Variants in SAMMSON observed in about 807,000 individuals in gnomAD.
The protein encoded by SAMMSON is long intergenic non-protein coding RNA 1212.
intron 4 of SAMMSON, among the ~76,000 whole-genome samples, chr3:70,213,223 T>G (rs1390863881): frequency 6.6e-6 from 1 of 152,130 alleles, no homozygotes; most frequent in Non-Finnish European, 1.5e-5. Flanking sequence ...TCCTTTCACC[T>G]CAGCCTCCTG....
At chr3:70,421,644 A>T (rs555340435) in intron 2 of SAMMSON, among the ~76,000 whole-genome samples, 1 of 152,284 alleles carries the variant, frequency 6.6e-6, no homozygotes, top group Non-Finnish European at 1.5e-5. Context: ...TAGTGCTCAG[A>T]GACAGTATGA....
At chr3:70,150,624 G>GA (rs528308956) in intron 4 of SAMMSON, among the ~76,000 whole-genome samples, 3 of 151,540 alleles carry the variant, frequency 2.0e-5, no homozygotes, top group African/African-American at 4.8e-5. Context: ...CATTATTCTA[G>GA]AAAAAAAATA....
chr3:70,184,270 CA>C (rs1230524422), intron 4 of SAMMSON: 3 of 152,114 alleles, frequency 2.0e-5, no homozygotes, highest in Non-Finnish European at 4.4e-5. Flanking sequence ...CTGAATTTAA[CA>C]TATATAGACA....
At chr3:70,208,863 A>G (rs1378642978) in intron 4 of SAMMSON, among the ~76,000 whole-genome samples, 2 of 152,012 alleles carry the variant, frequency 1.3e-5, no homozygotes, top group Admixed American at 1.3e-4. Flanking sequence ...TCTTCCTTTT[A>G]TGTGCTGGCT....
intron 2 of SAMMSON, among the ~76,000 whole-genome samples, chr3:70,413,113 A>C (rs1421036591): frequency 6.6e-6 from 1 of 152,122 alleles, no homozygotes; most frequent in Non-Finnish European, 1.5e-5. Flanking sequence ...AGAAATCACA[A>C]TACCAAACAA....
intron 4 of SAMMSON, among the ~76,000 whole-genome samples, chr3:70,131,569 GT>G (rs1283045618): frequency 6.6e-6 from 1 of 152,118 alleles, no homozygotes; most frequent in Non-Finnish European, 1.5e-5. Context: ...ACAGGGTTTA[GT>G]TAATGCAAGG....
chr3:70,154,558 G>A (rs909874807), intron 4 of SAMMSON, among the ~76,000 whole-genome samples: 1 of 152,070 alleles, frequency 6.6e-6, no homozygotes, highest in African/African-American at 2.4e-5. Context: ...CTCCTCCAGT[G>A]ATTCCAGTTG....
chr3:70,299,821 T>A (rs1483252834), intron 7 of SAMMSON, among the ~76,000 whole-genome samples: 2 of 152,126 alleles, frequency 1.3e-5, no homozygotes, highest in Non-Finnish European at 2.9e-5. Context: ...CAACCTCACA[T>A]ATATTTTATG....
At chr3:70,321,006 C>T (rs1454704698) in intron 7 of SAMMSON, among the ~76,000 whole-genome samples, 2 of 151,880 alleles carry the variant, frequency 1.3e-5, no homozygotes, top group African/African-American at 2.4e-5. Context: ...TGGAAAAAAA[C>T]CTGGGCAAGT....
At chr3:70,283,909 A>C (rs375627814) in intron 6 of SAMMSON, 23 of 152,246 alleles carry the variant, frequency 1.5e-4, no homozygotes, top group Admixed American at 5.9e-4. Context: ...TATTTAATAC[A>C]TGTGCTATTA....
chr3:70,082,102 T>A (rs915380168), intron 4 of SAMMSON, among the ~76,000 whole-genome samples: 1 of 152,158 alleles, frequency 6.6e-6, no homozygotes, highest in Admixed American at 6.5e-5. Context: ...GTTGAAGATA[T>A]CAGTCAACTC....
At chr3:70,118,147 C>A (rs2067419088) in intron 4 of SAMMSON, among the ~76,000 whole-genome samples, 1 of 152,120 alleles carries the variant, frequency 6.6e-6, no homozygotes, top group South Asian at 2.1e-4. Context: ...TGGTCTCGAT[C>A]TCCTGACCTT....
chr3:70,230,596 GTTTATTA>G (rs1701549106), intron 4 of SAMMSON, among the ~76,000 whole-genome samples: 1 of 152,062 alleles, frequency 6.6e-6, no homozygotes, highest in South Asian at 2.1e-4. Context: ...TCTACTTATT[GTTTATTA>G]TTTAAAAACT....
At chr3:70,248,257 C>T (rs573872643) in intron 4 of SAMMSON, among the ~76,000 whole-genome samples, 29 of 152,080 alleles carry the variant, frequency 1.9e-4, no homozygotes, top group Admixed American at 6.6e-4. Flanking sequence ...TATGATCTTA[C>T]GTAGAATATT....
chr3:70,297,406 C>G (rs1702301324), intron 7 of SAMMSON, among the ~76,000 whole-genome samples: 1 of 151,954 alleles, frequency 6.6e-6, no homozygotes, highest in South Asian at 2.1e-4. Flanking sequence ...TTGAGCCACT[C>G]AAAGGTTGTA....
At chr3:70,013,166 G>C (rs2066965651) in intron 2 of SAMMSON, among the ~76,000 whole-genome samples, 2 of 152,110 alleles carry the variant, frequency 1.3e-5, no homozygotes, top group African/African-American at 4.8e-5. Flanking sequence ...TGATGATGAT[G>C]ATGATGGTGA....
At chr3:70,096,040 A>G (rs2067321907) in intron 4 of SAMMSON, 1 of 152,156 alleles carries the variant, frequency 6.6e-6, no homozygotes, top group South Asian at 2.1e-4. Context: ...TCAACGTTCA[A>G]GGTATTGGGC....
chr3:70,141,613 A>G (rs2067527788), intron 4 of SAMMSON, among the ~76,000 whole-genome samples: 1 of 152,250 alleles, frequency 6.6e-6, no homozygotes, highest in Non-Finnish European at 1.5e-5. Flanking sequence ...CTTAACCATC[A>G]CAGTAACCAA....
At chr3:70,410,751 C>T (rs1701211434) in intron 2 of SAMMSON, among the ~76,000 whole-genome samples, 1 of 152,000 alleles carries the variant, frequency 6.6e-6, no homozygotes, top group South Asian at 2.1e-4. Context: ...ATAATTTAAC[C>T]CTCTGCCTAC....
Sources: gnomAD v4.1 joint callset for allele counts (sites outside exome capture counted in the v4.1 genomes callset) on GRCh38, gnomAD v4.1.1 for gene constraint, MANE v1.5 for transcripts, NCBI Gene and HGNC (gene_info 2026-07-23, HGNC 2026-07-21) for gene names.